The following VPS54 variants were observed in gnomAD, a reference collection of about 807,000 sequenced individuals.
The protein encoded by VPS54 is vacuolar protein sorting-associated protein 54.
A neutral mutation model predicts 121.5 loss-of-function variants in VPS54; 45 were observed. The observed-to-expected ratio is 0.37, with a 90% CI of 0.29 to 0.47. VPS54 has a LOEUF of 0.47. VPS54 is among the 20% of genes least tolerant of loss of function. The pLI, the probability that VPS54 is intolerant of heterozygous loss-of-function variation, is 0.99. For synonymous variants in VPS54, 371 were observed against 385.8 expected (o/e 0.96, Z 0.45); for missense variants, 1,090 against 1,131.4 (o/e 0.96, Z 0.52).
chr2:63,964,150 T>G (rs1320884318), intron 6 of VPS54, among the ~76,000 whole-genome samples: 4 of 152,164 alleles, frequency 2.6e-5, no homozygotes. Context: ...AGTTTCAAAG[T>G]GCTCTCTTGG....
chr2:64,019,126 C>G lies in VPS54; in HGVS notation c.-209G>C, dbSNP rs1331831377. The G allele has an allele frequency of 6.6e-6, 1 of 151,192 alleles. No homozygotes were observed. Among genetic ancestry groups the G allele is most frequent in the East Asian group, 1.9e-4 (1 of 5,148 alleles). 9.4% of individuals were successfully genotyped at this position (151,192 alleles called of 1,614,324 possible). On this transcript the variant is annotated 5_prime_UTR_variant, in exon 1 of 23. Transcript: ENST00000272322. ...GGCCCGGGGAGCACAGGGCCGCCCT[C>G]TCGAGCCCAGCTTCACTCAGGGGTG...
intron 17 of VPS54, 108 bp downstream of exon 17, chr2:63,914,074 G>T: frequency 1.9e-6 from 2 of 1,080,586 alleles, no homozygotes; most frequent in Non-Finnish European, 2.7e-6. Flanking sequence ...TAAAACTAAT[G>T]TCTTAAAGTT....
At chr2:63,967,814 G>A (rs1423189453) in intron 5 of VPS54, among the ~76,000 whole-genome samples, 1 of 151,614 alleles carries the variant, frequency 6.6e-6, no homozygotes, top group East Asian at 1.9e-4. Context: ...AATGTTATGG[G>A]AATTTGGCAA....
At chr2:63,990,355 C>T (rs866037539) in intron 1 of VPS54, among the ~76,000 whole-genome samples, 6 of 152,104 alleles carry the variant, frequency 3.9e-5, no homozygotes, top group South Asian at 4.1e-4. Flanking sequence ...GGACCATATA[C>T]GCTAATTCTT....
At chr2:63,908,758 G>A (rs1673012356) in intron 20 of VPS54, among the ~76,000 whole-genome samples, 1 of 152,144 alleles carries the variant, frequency 6.6e-6, no homozygotes, top group African/African-American at 2.4e-5. Context: ...ATGATAAAAG[G>A]AAAGCAATCC....
At chr2:63,915,028 G>A (rs760058432) in intron 16 of VPS54, among the ~76,000 whole-genome samples, 2 of 151,718 alleles carry the variant, frequency 1.3e-5, no homozygotes, top group Non-Finnish European at 2.9e-5. Context: ...CTGCACATCT[G>A]TAATCCCAGC....
At chr2:63,986,044 T>C (rs890995864) in intron 1 of VPS54, among the ~76,000 whole-genome samples, 1 of 152,232 alleles carries the variant, frequency 6.6e-6, no homozygotes, top group African/African-American at 2.4e-5. Flanking sequence ...TTCTCATTAA[T>C]CAAATAAAAC....
At chr2:64,007,712 C>T (rs540908669) in intron 1 of VPS54, among the ~76,000 whole-genome samples, 93 of 152,034 alleles carry the variant, frequency 6.1e-4, no homozygotes, top group African/African-American at 2.1e-3. Flanking sequence ...GAGAAAGTGC[C>T]GAAGAAGAGA....
At chr2:63,914,038 T>C in intron 17 of VPS54, 144 bp downstream of exon 17, 1 of 1,025,898 alleles carries the variant, frequency 9.7e-7, no homozygotes, top group Non-Finnish European at 1.4e-6. Context: ...AATAACATGT[T>C]GTGATTCAAC....
At chr2:63,958,693 G>C (rs530699924) in intron 7 of VPS54, among the ~76,000 whole-genome samples, 16 of 152,278 alleles carry the variant, frequency 1.1e-4, no homozygotes, top group South Asian at 2.1e-4. Context: ...TCCAGCCTGG[G>C]TGACAGGGCA....
chr2:63,932,643 C>G (rs1674265371), intron 12 of VPS54, among the ~76,000 whole-genome samples: 1 of 148,480 alleles, frequency 6.7e-6, no homozygotes, highest in Non-Finnish European at 1.5e-5. Context: ...TAACCCAGAA[C>G]TTAAAGTATA....
chr2:64,009,342 G>A (rs372234277), intron 1 of VPS54, among the ~76,000 whole-genome samples: 1 of 151,882 alleles, frequency 6.6e-6, no homozygotes, highest in Non-Finnish European at 1.5e-5. Flanking sequence ...TTGAGATGGA[G>A]TCTCGCTGTG....
chr2:63,946,346 C>A (rs1349358747), intron 9 of VPS54, among the ~76,000 whole-genome samples: 1 of 152,084 alleles, frequency 6.6e-6, no homozygotes, highest in East Asian at 1.9e-4. Context: ...CAGGAACATT[C>A]TTCTGCTGTG....
intron 4 of VPS54, 24 bp downstream of exon 4, chr2:63,972,142 T>C: frequency 2.1e-6 from 3 of 1,419,370 alleles, no homozygotes; most frequent in Admixed American, 1.9e-5. Flanking sequence ...TGCTTTATTA[T>C]CTATAAATAA....
At chr2:63,984,571 C>G (rs1676952980) in intron 1 of VPS54, among the ~76,000 whole-genome samples, 1 of 152,098 alleles carries the variant, frequency 6.6e-6, no homozygotes, top group Non-Finnish European at 1.5e-5. Flanking sequence ...TCAGAGGTTA[C>G]TGTCATTGTA....
chr2:63,962,009 C>T, intron 7 of VPS54, 49 bp downstream of exon 7: 1 of 1,469,220 alleles, frequency 6.8e-7, no homozygotes. Flanking sequence ...CAATTTTATC[C>T]TTTAAAAATT....
Position 63,951,610 on chromosome 2 carries a change from A to G in VPS54, c.1011-2447T>C, listed in dbSNP as rs189669696. The stretch of plus-strand genomic sequence containing the variant: ...GATTTAATACTGCATGAGTGGGGCC[A>G]TATACAGTCTGTGTGCAAGTTTGGA... On this transcript the variant is annotated intron_variant, in intron 7 of 22. Transcript: ENST00000272322. Among the ~76,000 whole-genome samples, 3 of 152,290 alleles carry G rather than the reference A, an allele frequency of 2.0e-5. No homozygotes were observed. The East Asian group carries it at 5.8e-4, about 29-fold the overall frequency.
chr2:63,950,357 C>CAGCTCA (rs1675182592), intron 7 of VPS54, among the ~76,000 whole-genome samples: 2 of 152,000 alleles, frequency 1.3e-5, no homozygotes, highest in South Asian at 4.1e-4. Context: ...TGTAAAGGTA[C>CAGCTCA]TTATGACTCT....
At position 63,914,187 on chromosome 2, in the gene VPS54, A is replaced by G; in HGVS notation, c.2329T>C (p.Leu777=). The change falls in exon 17 of 23, where the codon TTG becomes CTG. Residue 777 remains leucine (L), a synonymous_variant. Coordinates refer to ENST00000272322, the MANE Select transcript of VPS54 (RefSeq NM_016516.3). ...TGGAGTGAAGTCATACATACCTTCA[A>G]TAAATCTGACAGACGAGTAAGCATG... The part of the protein sequence containing the change: ...TDMLTRLSDL[L]KYFNSRSCQL... The G allele has an allele frequency of 5.0e-6, 8 of 1,612,456 alleles. No homozygotes were observed. Among genetic ancestry groups the G allele is most frequent in the Non-Finnish European group, 5.9e-6 (7 of 1,178,930 alleles).
Sources: allele counts gnomAD v4.1 joint callset (sites outside exome capture counted in the v4.1 genomes callset), GRCh38; gene constraint gnomAD v4.1.1; transcripts MANE v1.5; gene names NCBI Gene and HGNC (gene_info 2026-07-23, HGNC 2026-07-21).